TENM4: variants seen among roughly 807,000 people sequenced by gnomAD.
TENM4 encodes teneurin transmembrane protein 4.
Under a neutral mutation model 243.3 loss-of-function variants are expected in TENM4, and 82 were observed. The ratio of observed to expected loss-of-function variants is 0.34; its 90% CI spans 0.28 to 0.40. The LOEUF (loss-of-function observed/expected upper bound fraction) is 0.40, where lower values mean the gene tolerates loss of function less well. Among genes scored for constraint, TENM4 ranks in the 10% least tolerant of loss-of-function variants. The probability of loss-of-function intolerance (pLI) is 1.00; values close to 1 mark genes in which losing one functional copy is unlikely to be tolerated. For missense variants in TENM4, 3,138 were observed against 3,673.3 expected, an observed-to-expected ratio of 0.85 and a Z score of 3.77; for synonymous variants, 1,412 against 1,456.3, an observed-to-expected ratio of 0.97 and a Z score of 0.69.
chr11:78,666,330 C>T (rs1858159543), intron 32 of TENM4, among the ~76,000 whole-genome samples: 1 of 152,178 alleles, frequency 6.6e-6, no homozygotes. Context: ...AAAATGAGTG[C>T]ATCACACTTA....
chr11:79,157,432 T>C (rs530004958), intron 3 of TENM4, among the ~76,000 whole-genome samples: 11 of 152,286 alleles, frequency 7.2e-5, no homozygotes, highest in African/African-American at 2.6e-4. Context: ...CTTCACTCAC[T>C]TACTCATGCA....
At chr11:79,231,021 T>A (rs1014712354) in intron 2 of TENM4, among the ~76,000 whole-genome samples, 1 of 152,196 alleles carries the variant, frequency 6.6e-6, no homozygotes, top group African/African-American at 2.4e-5. Flanking sequence ...GAAACCCACT[T>A]CCAACCTTGG....
intron 4 of TENM4, among the ~76,000 whole-genome samples, chr11:79,080,173 C>T (rs1199182180): frequency 2.0e-5 from 3 of 152,258 alleles, no homozygotes; most frequent in Admixed American, 1.3e-4. Flanking sequence ...TTCAAGCCCT[C>T]ACCTTTCTGG....
At chr11:79,186,654 A>G (rs1477443712) in intron 3 of TENM4, among the ~76,000 whole-genome samples, 1 of 152,210 alleles carries the variant, frequency 6.6e-6, no homozygotes, top group Non-Finnish European at 1.5e-5. Context: ...ATCTGGAGGA[A>G]TTAAATATTG....
intron 4 of TENM4, among the ~76,000 whole-genome samples, chr11:79,126,895 GATC>G (rs939807951): frequency 6.6e-6 from 1 of 152,190 alleles, no homozygotes; most frequent in Admixed American, 6.5e-5. Flanking sequence ...AAAGGGAAAT[GATC>G]AGACATTTTG....
At chr11:78,806,471 A>T (rs1857390766) in intron 14 of TENM4, among the ~76,000 whole-genome samples, 1 of 152,216 alleles carries the variant, frequency 6.6e-6, no homozygotes, top group Non-Finnish European at 1.5e-5. Flanking sequence ...AAGTGGTCTC[A>T]GGAGACCAAT....
At chr11:78,798,992 A>G (rs560211596) in intron 15 of TENM4, among the ~76,000 whole-genome samples, 2 of 152,294 alleles carry the variant, frequency 1.3e-5, no homozygotes, top group Non-Finnish European at 2.9e-5. Flanking sequence ...CTCGGTGCCT[A>G]AAACAGTGAA....
chr11:79,064,625 A>G lies in TENM4; in HGVS notation c.493+113T>C, dbSNP rs1052754257. On this transcript the variant is annotated intron_variant, in intron 6 of 33. Transcript: ENST00000278550. ...GACATTTGACCCCTGAGAGTAAAGC[A>G]ATTTTTCACCAACTTCACCAGAGCC... is the stretch of plus-strand genomic sequence containing the variant. 20 of 1,408,596 alleles carry G rather than the reference A, an allele frequency of 1.4e-5. No individual in the cohort carries two copies. The African/African-American group carries it at 2.1e-4, about 15-fold the overall frequency. 87.3% of individuals were successfully genotyped at this position (1,408,596 alleles called of 1,614,324 possible). A position where few individuals can be genotyped will look rare whatever the true frequency, so the allele number is the denominator to read the frequency against.
At chr11:79,241,447 C>CTCT (rs1855415679) in intron 2 of TENM4, among the ~76,000 whole-genome samples, 1 of 152,058 alleles carries the variant, frequency 6.6e-6, no homozygotes, top group Non-Finnish European at 1.5e-5. Flanking sequence ...GAATTCGTCA[C>CTCT]TCTGAAGTTG....
intron 28 of TENM4, among the ~76,000 whole-genome samples, chr11:78,691,986 C>T (rs1297339050): frequency 6.6e-6 from 1 of 152,150 alleles, no homozygotes; most frequent in Non-Finnish European, 1.5e-5. Context: ...GGGCCCCGCA[C>T]ACCTTTGCCC....
At chr11:78,892,157 T>C (rs956206583) in intron 7 of TENM4, among the ~76,000 whole-genome samples, 2 of 152,334 alleles carry the variant, frequency 1.3e-5, no homozygotes, top group South Asian at 4.1e-4. Context: ...TTTGTGACTT[T>C]ACCTATTTCT....
chr11:78,872,981 C>G (rs1483908308), intron 9 of TENM4, among the ~76,000 whole-genome samples: 1 of 152,180 alleles, frequency 6.6e-6, no homozygotes, highest in African/African-American at 2.4e-5. Flanking sequence ...TAACGTGGAG[C>G]CTGCCACCCA....
chr11:78,662,181 C>G (rs2135637005), intron 32 of TENM4, among the ~76,000 whole-genome samples: 1 of 151,672 alleles, frequency 6.6e-6, no homozygotes, highest in African/African-American at 2.4e-5. Flanking sequence ...CTCCCTGTGC[C>G]TTCATTTTCT....
At chr11:78,671,498 G>T (rs988259487) in intron 31 of TENM4, among the ~76,000 whole-genome samples, 3 of 152,214 alleles carry the variant, frequency 2.0e-5, no homozygotes, top group African/African-American at 7.2e-5. Context: ...GAGGCTTTAT[G>T]CTGCAAAGCT....
At chr11:79,034,953 G>A (rs558573708) in intron 6 of TENM4, among the ~76,000 whole-genome samples, 1 of 152,278 alleles carries the variant, frequency 6.6e-6, no homozygotes, top group African/African-American at 2.4e-5. Flanking sequence ...GGGGGTCTGA[G>A]GAGCTACAGA....
At chr11:79,245,962 A>G (rs112586970) in intron 2 of TENM4, among the ~76,000 whole-genome samples, 70 of 143,508 alleles carry the variant, frequency 4.9e-4, no homozygotes, top group African/African-American at 1.6e-3. Context: ...AAAAAAAAAA[A>G]GAAAAGAAAA....
chr11:78,967,014 G>T (rs1857452072), intron 6 of TENM4, among the ~76,000 whole-genome samples: 1 of 152,088 alleles, frequency 6.6e-6, no homozygotes, highest in East Asian at 1.9e-4. Flanking sequence ...CCTCCCTGGG[G>T]CACTTCCTTT....
chr11:78,854,593 T>A (rs1858628675), intron 11 of TENM4, among the ~76,000 whole-genome samples: 1 of 152,090 alleles, frequency 6.6e-6, no homozygotes, highest in African/African-American at 2.4e-5. Flanking sequence ...TGGTGGTGAA[T>A]CTTCCCCTGG....
intron 1 of TENM4, among the ~76,000 whole-genome samples, chr11:79,367,715 T>C (rs527837914): frequency 1.3e-5 from 2 of 152,334 alleles, no homozygotes; most frequent in African/African-American, 2.4e-5. Context: ...AGTTTTATCA[T>C]CATTTTGACT....
Sources: gnomAD v4.1 joint callset for allele counts (sites outside exome capture counted in the v4.1 genomes callset) on GRCh38, gnomAD v4.1.1 for gene constraint, MANE v1.5 for transcripts, NCBI Gene and HGNC (gene_info 2026-07-23, HGNC 2026-07-21) for gene names.